KIAA1614: variants seen among roughly 807,000 people sequenced by gnomAD.
KIAA1614 encodes KIAA1614, also known as uncharacterized protein KIAA1614.
A neutral mutation model predicts 88.7 loss-of-function variants in KIAA1614; 76 were observed. That is an observed-to-expected ratio of 0.86 (90% CI 0.71 to 1.04). KIAA1614 has a LOEUF of 1.04. Among genes scored for constraint, KIAA1614 ranks in the 50% least tolerant of loss-of-function variants. The pLI is 0.00. For missense variants in KIAA1614, 1,553 were observed against 1,582.5 expected, an observed-to-expected ratio of 0.98 and a Z score of 0.32; for synonymous variants, 714 against 675.5, an observed-to-expected ratio of 1.06 and a Z score of -0.88.
intron 7 of KIAA1614, among the ~76,000 whole-genome samples, chr1:180,942,762 G>A (rs539954594): frequency 1.1e-4 from 16 of 152,252 alleles, no homozygotes; most frequent in Middle Eastern, 3.4e-3. Flanking sequence ...CACCACCCCC[G>A]TCGGTGTCAT....
Position 180,935,987 on chromosome 1 carries a change from G to C in KIAA1614, c.2078G>C (p.Arg693Thr). ...GTGGAAAATGAGGTGAAAGAGGGCA[G>C]AGGACACACGCCTGAAGGAACTCTA... is the stretch of plus-strand genomic sequence containing the variant. ...VEVENEVKEG[R>T]GHTPEGTLFL... The change falls in exon 5 of 9, where the codon AGA becomes ACA. Residue 693 changes from arginine (R) to threonine (T), a missense_variant. Physicochemically the swap from Arg to Thr is moderately conservative, Grantham distance 71. Coordinates refer to ENST00000367588, the MANE Select transcript of KIAA1614 (RefSeq NM_020950.2). The surrounding 1 kb of genome is among the most constrained non-coding windows in gnomAD (Gnocchi z 6.1). 6.2e-7 allele frequency: 1 copy of C among 1,614,072 alleles called. No individual in the cohort carries two copies. Among genetic ancestry groups the C allele is most frequent in the Non-Finnish European group, 8.5e-7 (1 of 1,179,918 alleles).
Position 180,936,316 on chromosome 1 carries a change from C to G in KIAA1614, c.2407C>G (p.Pro803Ala). ...CTGGCAGCCAACAGCTTCCTTGTGT[C>G]CTGAAGGCTGGGCGCCAACCCCTCC... ...QAWQPTASLCPEGWAPTPPPS... is the reference protein window; with the variant it reads ...QAWQPTASLCAEGWAPTPPPS... Residue 803 changes from proline to alanine, a missense_variant, in exon 5 of 9, where the codon CCT becomes GCT. Pro to Ala is a conservative substitution (Grantham distance 27). Transcript: ENST00000367588. 1 of 1,614,216 alleles carries G rather than the reference C, an allele frequency of 6.2e-7. No individual in the cohort carries two copies. The highest frequency in any genetic ancestry group is 1.7e-5 in the Admixed American group (1 of 60,030).
In KIAA1614 at chr1:180,936,590, G is replaced by T; in HGVS notation, c.2681G>T (p.Gly894Val). Residue 894 changes from glycine to valine, a missense_variant, in exon 5 of 9, where the codon GGG becomes GTG. Physicochemically the swap from Gly to Val is moderately radical, Grantham distance 109 (BLOSUM62 -3). Transcript: ENST00000367588. ...SAPRGLQEPY[G>V]GAVHEGRVER... Reference sequence around the variant, plus strand: ...CCTCGGGGGCTGCAGGAGCCCTACGGGGGAGCCGTCCACGAGGGTAGGGTG... The same window carrying T: ...CCTCGGGGGCTGCAGGAGCCCTACGTGGGAGCCGTCCACGAGGGTAGGGTG... 6.2e-7 allele frequency: 1 copy of T among 1,612,202 alleles called. No individual in the cohort carries two copies. Among genetic ancestry groups the T allele is most frequent in the Non-Finnish European group, 8.5e-7 (1 of 1,179,570 alleles).
At position 180,936,328 on chromosome 1, in the gene KIAA1614, G is replaced by C. The variant is rs1020675419; in HGVS notation, c.2419G>C (p.Ala807Pro). The part of the protein sequence containing the change: ...PTASLCPEGW[A>P]PTPPPSRKTT... ...AGCTTCCTTGTGTCCTGAAGGCTGG[G>C]CGCCAACCCCTCCCCCTTCGAGGAA... The change falls in exon 5 of 9, where the codon GCG becomes CCG. Residue 807 changes from alanine to proline, a missense_variant. Coordinates refer to ENST00000367588, the MANE Select transcript of KIAA1614 (RefSeq NM_020950.2). 1 of 1,614,150 alleles carries C rather than the reference G, an allele frequency of 6.2e-7. No individual in the cohort carries two copies. Among genetic ancestry groups the C allele is most frequent in the Non-Finnish European group, 8.5e-7 (1 of 1,179,990 alleles).
At chr1:180,924,594 T>C (rs1434008392) in intron 3 of KIAA1614, among the ~76,000 whole-genome samples, 1 of 152,238 alleles carries the variant, frequency 6.6e-6, no homozygotes, top group Non-Finnish European at 1.5e-5. Context: ...CAGGAGGGCC[T>C]ATTGACTGTC....
At chr1:180,927,627 C>T (rs116688413) in intron 3 of KIAA1614, among the ~76,000 whole-genome samples, 602 of 152,258 alleles carry the variant, frequency 4.0e-3, no homozygotes, top group Middle Eastern at 0.014. Context: ...TAACCCAGCG[C>T]GGGCTGTATG....
At position 180,950,300 on chromosome 1, in the gene KIAA1614, T is replaced by G; in HGVS notation, c.*4712T>G. On this transcript the variant is annotated 3_prime_UTR_variant, in exon 9 of 9. Transcript: ENST00000367588. ...GCATTCCAGAGATGCACTTCTTCGA[T>G]TTGGGTGTCATTGTGAAATTCTCCT... is the stretch of plus-strand genomic sequence containing the variant. 3.5e-6 allele frequency: 4 copies of G among 1,131,144 alleles called. No homozygotes were observed. The highest frequency in any genetic ancestry group is 4.4e-6 in the Non-Finnish European group (4 of 902,878). The allele number at this position is 1,131,144 out of a possible 1,614,324, so 70.1% of individuals were successfully genotyped here.
chr1:180,946,036 G>C lies in KIAA1614; in HGVS notation c.*448G>C, dbSNP rs1654584368. On this transcript the variant is annotated 3_prime_UTR_variant, in exon 9 of 9. Transcript: ENST00000367588. ...GAGAATTGCTTGAACCCGGGAGGTA[G>C]AGGTTGCAGTGAGCCGAGATTGCGC... The C allele has an allele frequency of 6.4e-6, 1 of 156,192 alleles. No homozygotes were observed. Among genetic ancestry groups the C allele is most frequent in the Non-Finnish European group, 1.4e-5 (1 of 71,436 alleles). The allele number at this position is 156,192 out of a possible 1,614,324, so 9.7% of individuals were successfully genotyped here.
At chr1:180,941,007 C>CG in intron 6 of KIAA1614, 38 bp from the exon 7 acceptor site, 1 of 130,036 alleles carries the variant, frequency 7.7e-6, no homozygotes, top group Non-Finnish European at 1.5e-5. Flanking sequence ...ACCCTCCCGG[C>CG]CCTCCCCCGC....
In KIAA1614 at chr1:180,945,474, G is replaced by A. The variant is rs551818178; in HGVS notation, c.3459G>A (p.Gly1153=). 28 of 1,613,162 alleles carry A rather than the reference G, an allele frequency of 1.7e-5. 1 individual carries two copies. The South Asian group carries it at 3.0e-4, about 17-fold the overall frequency. The change falls in exon 9 of 9, where the codon GGG becomes GGA. Residue 1153 remains glycine, a synonymous_variant. Transcript: ENST00000367588. The part of the protein sequence containing the change: ...TFGFCVASGN[G]RPDSGMPSPL... ...GCTTCTGCGTGGCCTCTGGGAATGGGCGCCCAGACTCAGGTATGCCCTCTC... is the reference window on the plus strand; with the variant it reads ...GCTTCTGCGTGGCCTCTGGGAATGGACGCCCAGACTCAGGTATGCCCTCTC...
At position 180,920,223 on chromosome 1, in the gene KIAA1614, G is replaced by A. The variant is rs548612441; in HGVS notation, c.1061+2309G>A. On this transcript the variant is annotated intron_variant, in intron 3 of 8. Transcript: ENST00000367588. Reference sequence around the variant, plus strand: ...AAGGTGGTCCCCAAGACCCTGCAGGGCTCCCTCTCTCCCCGGAGCAGGATG... The same window carrying A: ...AAGGTGGTCCCCAAGACCCTGCAGGACTCCCTCTCTCCCCGGAGCAGGATG... 8.5e-5 allele frequency among the ~76,000 whole-genome samples: 13 copies of A among 152,294 alleles called. No homozygotes were observed. In the South Asian group the frequency reaches 2.7e-3, roughly 32 times the overall value.
In KIAA1614 at chr1:180,950,631, G is replaced by T; in HGVS notation, c.*5043G>T. 1.6e-6 allele frequency: 1 copy of T among 606,298 alleles called. No individual in the cohort carries two copies. Among genetic ancestry groups the T allele is most frequent in the Non-Finnish European group, 2.1e-6 (1 of 479,598 alleles). The allele number at this position is 606,298 out of a possible 1,614,324, so 37.6% of individuals were successfully genotyped here. A position where few individuals can be genotyped will look rare whatever the true frequency, so the allele number is the denominator to read the frequency against. ...TGCTGCACAGAGCTGCTCTGTGGCGGAAACAGATCCTGGCAGCATCTAACC... is the reference window on the plus strand; with the variant it reads ...TGCTGCACAGAGCTGCTCTGTGGCGTAAACAGATCCTGGCAGCATCTAACC... On this transcript the variant is annotated 3_prime_UTR_variant, in exon 9 of 9. Transcript: ENST00000367588.
Position 180,913,258 on chromosome 1 carries a change from G to A in KIAA1614, c.15G>A (p.Glu5=). Residue 5 remains glutamate (E), a synonymous_variant, in exon 1 of 9, where the codon GAG becomes GAA. Coordinates refer to ENST00000367588, the MANE Select transcript of KIAA1614 (RefSeq NM_020950.2). MEGT[E]AAAAKPAGGS... ...CTCTCCGAGGGATGGAGGGGACAGAGGCGGCGGCGGCCAAACCCGCGGGCG... is the reference window on the plus strand; with the variant it reads ...CTCTCCGAGGGATGGAGGGGACAGAAGCGGCGGCGGCCAAACCCGCGGGCG... The A allele has an allele frequency of 7.9e-7, 1 of 1,261,238 alleles. No homozygotes were observed. Among genetic ancestry groups the A allele is most frequent in the Non-Finnish European group, 1.0e-6 (1 of 997,372 alleles). 78.1% of individuals were successfully genotyped at this position (1,261,238 alleles called of 1,614,324 possible). A position where few individuals can be genotyped will look rare whatever the true frequency, so the allele number is the denominator to read the frequency against.
At chr1:180,914,431 G>A (rs1653732808) in intron 1 of KIAA1614, among the ~76,000 whole-genome samples, 2 of 152,214 alleles carry the variant, frequency 1.3e-5, no homozygotes, top group Admixed American at 1.3e-4. Context: ...AAAAGGCCTG[G>A]GCTTGGAATG....
intron 3 of KIAA1614, among the ~76,000 whole-genome samples, chr1:180,919,302 C>G (rs1653893663): frequency 6.6e-6 from 1 of 152,166 alleles, no homozygotes; most frequent in Admixed American, 6.5e-5. Flanking sequence ...TTTGGAATCA[C>G]AGTTGCCTCC....
At chr1:180,933,386 G>T (rs1450871852) in intron 4 of KIAA1614, among the ~76,000 whole-genome samples, 1 of 152,198 alleles carries the variant, frequency 6.6e-6, no homozygotes, top group Non-Finnish European at 1.5e-5. Context: ...GATAAAGGCT[G>T]TGCATCAGTT....
At chr1:180,937,579 C>G (rs1654361829) in intron 5 of KIAA1614, among the ~76,000 whole-genome samples, 1 of 152,170 alleles carries the variant, frequency 6.6e-6, no homozygotes, top group Non-Finnish European at 1.5e-5. Context: ...CATTTTTGCT[C>G]TAATGTGACC....
At chr1:180,930,128 G>A (rs1654161679) in intron 4 of KIAA1614, among the ~76,000 whole-genome samples, 2 of 152,044 alleles carry the variant, frequency 1.3e-5, no homozygotes, top group South Asian at 4.1e-4. Context: ...TGTTAGGAAT[G>A]GGCATGGTGG....
intron 3 of KIAA1614, chr1:180,928,204 C>T: frequency 2.2e-6 from 1 of 459,964 alleles, no homozygotes; most frequent in South Asian, 5.1e-5. Flanking sequence ...GCCGGGCCAG[C>T]TCCCCAGCCC....
Sources: allele counts gnomAD v4.1 joint callset (sites outside exome capture counted in the v4.1 genomes callset), GRCh38; gene constraint gnomAD v4.1.1; non-coding constraint Gnocchi (gnomAD v3.1); transcripts MANE v1.5; gene names NCBI Gene and HGNC (gene_info 2026-07-23, HGNC 2026-07-21).